The following IL9R variants were observed in gnomAD, a reference collection of about 807,000 sequenced individuals.
The protein encoded by IL9R is interleukin-9 receptor.
IL9R carries 54 observed loss-of-function variants against 56.3 expected under a neutral mutation model. The ratio of observed to expected loss-of-function variants is 0.96; its 90% CI spans 0.77 to 1.20. The LOEUF is 1.20. Among genes scored for constraint, IL9R ranks in the 50% most tolerant of loss-of-function variants. The probability of loss-of-function intolerance (pLI) is 0.00; values close to 1 mark genes in which losing one functional copy is unlikely to be tolerated. For synonymous variants in IL9R, 212 were observed against 250.2 expected (o/e 0.85, Z 1.44); for missense variants, 545 against 629.8 (o/e 0.87, Z 1.44).
intron 5 of IL9R, 24 bp downstream of exon 5, chrX:156,004,589 T>G: frequency 6.2e-7 from 1 of 1,611,032 alleles, no homozygotes; most frequent in African/African-American, 1.3e-5. Flanking sequence ...TGGCTTTCCC[T>G]GGGGGCCTCT....
intron 1 of IL9R, among the ~76,000 whole-genome samples, chrX:155,998,632 G>T (rs890433230): frequency 1.3e-5 from 2 of 151,972 alleles, no homozygotes; most frequent in South Asian, 4.2e-4. Context: ...TCCTCTCAGC[G>T]TGTCTTCAAG....
chrX:156,009,083 TTG>T (rs879040215), intron 8 of IL9R, among the ~76,000 whole-genome samples: 18,450 of 111,454 alleles, frequency 0.17, no homozygotes, highest in East Asian at 0.28. Flanking sequence ...CTGTGTGTGT[TTG>T]TGTGTGTGTG....
intron 3 of IL9R, 58 bp from the exon 4 acceptor site, chrX:156,003,619 A>C: frequency 6.2e-7 from 1 of 1,611,066 alleles, no homozygotes; most frequent in South Asian, 1.1e-5. Flanking sequence ...CCCAGGATTG[A>C]AGCAGCTATG....
At chrX:155,997,855 T>A (rs2055569531) in intron 1 of IL9R, 68 bp downstream of exon 1, 1 of 1,444,916 alleles carries the variant, frequency 6.9e-7, no homozygotes, top group Non-Finnish European at 9.7e-7. Flanking sequence ...GAGAGGGACA[T>A]GTGGCCCTCC....
rs777806169 is a variant in IL9R at position 156,010,133 on chromosome X, G to A, written c.1290G>A (p.Arg430=). ...CTCCCCCAGACTCAGAGGGCAGCAG[G>A]AGCAGCAGCAGCAGCAGCAGCAGCA... ...RPAPPDSEGS[R]SSSSSSSSNN... The change falls in exon 9 of 9, where the codon AGG becomes AGA. Residue 430 remains arginine, a synonymous_variant. Transcript: ENST00000244174. The A allele has an allele frequency of 1.9e-6, 3 of 1,540,086 alleles. No homozygotes were observed. The highest frequency in any genetic ancestry group is 2.3e-5 in the South Asian group (2 of 86,846).
In IL9R at chrX:156,006,168, C is replaced by T. The variant is rs143176678; in HGVS notation, c.867C>T (p.Leu289=). ...TCCTGCTGACTGGCCCGACCTACCTCCTGTTCAAGCTGTCGCCCAGGTAGG... is the reference window on the plus strand; with the variant it reads ...TCCTGCTGACTGGCCCGACCTACCTTCTGTTCAAGCTGTCGCCCAGGTAGG... ...IFLLLTGPTY[L]LFKLSPRVKR... The change falls in exon 7 of 9, where the codon CTC becomes CTT. Residue 289 remains leucine (L), a synonymous_variant. Transcript: ENST00000244174. 7.1e-7 allele frequency: 1 copy of T among 1,409,874 alleles called. No individual in the cohort carries two copies. The highest frequency in any genetic ancestry group is 1.4e-5 in the African/African-American group (1 of 70,362). The allele number at this position is 1,409,874 out of a possible 1,614,324, so 87.3% of individuals were successfully genotyped here.
chrX:155,999,940 A>G (rs2067399439), intron 1 of IL9R, among the ~76,000 whole-genome samples: 2 of 152,012 alleles, frequency 1.3e-5, no homozygotes, highest in African/African-American at 4.8e-5. Context: ...AGCCTGACAA[A>G]CATGGTGAAA....
intron 5 of IL9R, 22 bp from the exon 6 acceptor site, chrX:156,005,256 C>A (rs1304914363): frequency 6.2e-7 from 1 of 1,609,468 alleles, no homozygotes; most frequent in South Asian, 1.1e-5. Flanking sequence ...TCACCACCTG[C>A]TAACTGTCCC....
At position 156,003,647 on chromosome X, in the gene IL9R, C is replaced by T. The variant is rs779053388; in HGVS notation, c.255-30C>T. 1.9e-6 allele frequency: 3 copies of T among 1,611,848 alleles called. No homozygotes were observed. The African/African-American group carries it at 4.0e-5, about 22-fold the overall frequency. ...CAGCTATGCCAGGACAGTGTAGCAGCCCCGTGGTGCTGACAAATGCCCTTT... is the reference window on the plus strand; with the variant it reads ...CAGCTATGCCAGGACAGTGTAGCAGTCCCGTGGTGCTGACAAATGCCCTTT... On this transcript the variant is annotated intron_variant, in intron 3 of 8. Transcript: ENST00000244174.
In IL9R at chrX:156,003,522, G is replaced by T; in HGVS notation, c.216G>T (p.Glu72Asp). The T allele has an allele frequency of 6.2e-7, 1 of 1,612,888 alleles. No homozygotes were observed. Among genetic ancestry groups the T allele is most frequent in the South Asian group, 1.1e-5 (1 of 91,010 alleles). ...LRIDCHWSAP[E>D]LGQGSSPWLL... ...TCGATTGCCACTGGTCTGCCCCAGA[G>T]CTGGGACAGGGCTCCAGCCCCTGGC... The change falls in exon 3 of 9, where the codon GAG becomes GAT. Residue 72 changes from glutamate to aspartate, a missense_variant. Coordinates refer to ENST00000244174, the MANE Select transcript of IL9R (RefSeq NM_002186.3).
intron 7 of IL9R, 108 bp downstream of exon 7, chrX:156,006,296 G>A (rs1175364293): frequency 4.4e-6 from 3 of 685,526 alleles, no homozygotes; most frequent in Admixed American, 2.4e-5. Context: ...GTGTGTGGTG[G>A]GTGGGCCATC....
Position 156,006,130 on chromosome X carries a change from G to T in IL9R, c.829G>T (p.Val277Leu), listed in dbSNP as rs1431289780. The change falls in exon 7 of 9, where the codon GTG becomes TTG. Residue 277 changes from valine to leucine, a missense_variant. Val to Leu is a conservative substitution (Grantham distance 32, BLOSUM62 1). Coordinates refer to ENST00000244174, the MANE Select transcript of IL9R (RefSeq NM_002186.3). ...GTGGCCAGGCAACACCCTTGTTGCT[G>T]TGTCCATCTTTCTCCTGCTGACTGG... ...WGWPGNTLVA[V>L]SIFLLLTGPT... is the part of the protein sequence containing the mutation. 1 of 1,598,504 alleles carries T rather than the reference G, an allele frequency of 6.3e-7. No homozygotes were observed. The highest frequency in any genetic ancestry group is 8.6e-7 in the Non-Finnish European group (1 of 1,168,086).
chrX:156,005,608 A>C, intron 6 of IL9R, 129 bp downstream of exon 6: 1 of 754,496 alleles, frequency 1.3e-6, no homozygotes, highest in Admixed American at 2.2e-5. Context: ...GCCTCAGTTG[A>C]CCCCCTTCCT....
At position 156,006,314 on chromosome X, in the gene IL9R, G is replaced by A. The variant is rs866514773; in HGVS notation, c.887+126G>A. On this transcript the variant is annotated intron_variant, in intron 7 of 8. Transcript: ENST00000244174. ...TGTGGTGGGTGGGCCATCAAGGGCCGCCCTTGTCTGGTTCCTCCCCTCCCC... is the reference window on the plus strand; with the variant it reads ...TGTGGTGGGTGGGCCATCAAGGGCCACCCTTGTCTGGTTCCTCCCCTCCCC... 4,635 of 644,106 alleles carry A rather than the reference G, an allele frequency of 7.2e-3. 88 individuals are homozygous for A. In the African/African-American group the frequency reaches 0.076, roughly 11 times the overall value. The allele number at this position is 644,106 out of a possible 1,614,324, so 39.9% of individuals were successfully genotyped here.
intron 1 of IL9R, among the ~76,000 whole-genome samples, chrX:155,998,913 C>T (rs2067319766): frequency 6.6e-6 from 1 of 152,080 alleles, no homozygotes; most frequent in Non-Finnish European, 1.5e-5. Context: ...TTCACCAAGA[C>T]AGCAGGAAGA....
At chrX:155,998,359 G>A (rs979148004) in intron 1 of IL9R, among the ~76,000 whole-genome samples, 5 of 151,902 alleles carry the variant, frequency 3.3e-5, no homozygotes, top group African/African-American at 1.2e-4. Flanking sequence ...AAGGGGAGGA[G>A]AGGGTTTGTT....
chrX:155,998,697 C>A (rs1245785510), intron 1 of IL9R, among the ~76,000 whole-genome samples: 1 of 152,076 alleles, frequency 6.6e-6, no homozygotes, highest in Non-Finnish European at 1.5e-5. Flanking sequence ...CGTCCAGAAG[C>A]AAGGGCAGCC....
chrX:156,002,972 T>C lies in IL9R; in HGVS notation c.95T>C (p.Ile32Thr). Residue 32 changes from isoleucine to threonine, a missense_variant, in exon 2 of 9, where the codon ATC becomes ACC. Physicochemically the swap from Ile to Thr is moderately conservative, Grantham distance 89 (BLOSUM62 -1). This residue lies in a region of IL9R where 431 missense variants were observed against 360.0 expected (regional missense o/e 1.20). Transcript: ENST00000244174. ...MGTWLLACICICTCVCLGVSV... is the reference protein window; with the variant it reads ...MGTWLLACICTCTCVCLGVSV... Reference sequence around the variant, plus strand: ...ACCTGGCTCCTGGCCTGCATCTGCATCTGCACCTGTGTCTGCTTGGGAGTC... The same window carrying C: ...ACCTGGCTCCTGGCCTGCATCTGCACCTGCACCTGTGTCTGCTTGGGAGTC... 6.2e-7 allele frequency: 1 copy of C among 1,613,864 alleles called. No individual in the cohort carries two copies. Among genetic ancestry groups the C allele is most frequent in the Non-Finnish European group, 8.5e-7 (1 of 1,179,844 alleles).
chrX:156,001,432 A>C (rs778002157), intron 1 of IL9R: 9 of 1,610,674 alleles, frequency 5.6e-6, no homozygotes. Flanking sequence ...ACGGACAGAC[A>C]CTGCTGCAGA....
Sources: allele counts gnomAD v4.1 joint callset (sites outside exome capture counted in the v4.1 genomes callset), GRCh38; gene constraint gnomAD v4.1.1; regional missense constraint gnomAD v4.1.1; transcripts MANE v1.5; gene names NCBI Gene and HGNC (gene_info 2026-07-23, HGNC 2026-07-21).